STOML3: variants seen among roughly 807,000 people sequenced by gnomAD.
STOML3 encodes stomatin like 3.
Under a neutral mutation model 29.5 loss-of-function variants are expected in STOML3, and 31 were observed. The ratio of observed to expected loss-of-function variants is 1.05; its 90% CI spans 0.79 to 1.42. STOML3 has a LOEUF of 1.42. Ranked by LOEUF, STOML3 falls within the 40% of genes most tolerant of loss-of-function variation. STOML3 has a pLI of 0.00. For missense variants in STOML3, 380 were observed against 363.0 expected, an observed-to-expected ratio of 1.05 and a Z score of -0.38; for synonymous variants, 122 against 139.8, an observed-to-expected ratio of 0.87 and a Z score of 0.90.
Position 38,966,718 on chromosome 13 carries a change from T to C in STOML3, c.*107A>G. On this transcript the variant is annotated 3_prime_UTR_variant, in exon 7 of 7. Transcript: ENST00000379631. Reference sequence around the variant, plus strand: ...TGCCAATGCTCTTCCATCTATGGAGTTACTGTTACATGAACAGTGTTGGAA... The same window carrying C: ...TGCCAATGCTCTTCCATCTATGGAGCTACTGTTACATGAACAGTGTTGGAA... 1 of 935,588 alleles carries C rather than the reference T, an allele frequency of 1.1e-6. No homozygotes were observed. The highest frequency in any genetic ancestry group is 1.7e-6 in the Non-Finnish European group (1 of 599,784). The allele number at this position is 935,588 out of a possible 1,614,324, so 58.0% of individuals were successfully genotyped here. A position where few individuals can be genotyped will look rare whatever the true frequency, so the allele number is the denominator to read the frequency against.
chr13:38,975,778 A>G (rs1032034358), intron 3 of STOML3, among the ~76,000 whole-genome samples: 1 of 152,188 alleles, frequency 6.6e-6, no homozygotes, highest in African/African-American at 2.4e-5. Context: ...AGTACCTTAT[A>G]GTTTTAGTAT....
At chr13:38,972,826 T>C (rs1306879248) in intron 3 of STOML3, among the ~76,000 whole-genome samples, 2 of 152,186 alleles carry the variant, frequency 1.3e-5, no homozygotes, top group Non-Finnish European at 2.9e-5. Flanking sequence ...ATCCCTGACA[T>C]TTAATTTTTG....
intron 1 of STOML3, among the ~76,000 whole-genome samples, chr13:38,985,408 G>T (rs934377442): frequency 2.6e-5 from 4 of 152,070 alleles, no homozygotes; most frequent in African/African-American, 9.7e-5. Context: ...GGGAAACAGA[G>T]CGAGAGAGAG....
chr13:38,989,413 GC>G (rs1462111104), intron 1 of STOML3, among the ~76,000 whole-genome samples: 4 of 152,120 alleles, frequency 2.6e-5, no homozygotes, highest in African/African-American at 4.8e-5. Context: ...CTGCCTTCAA[GC>G]TTTTCATGCC....
chr13:38,988,790 A>C (rs893161829), intron 1 of STOML3, among the ~76,000 whole-genome samples: 1 of 143,196 alleles, frequency 7.0e-6, no homozygotes, highest in African/African-American at 2.5e-5. Flanking sequence ...AGTACATATT[A>C]CAAGTTATAT....
intron 1 of STOML3, chr13:38,980,129 A>G: frequency 6.4e-7 from 1 of 1,551,494 alleles, no homozygotes. Context: ...ATTAGGTAAT[A>G]GACGTGCTGA....
chr13:38,985,897 T>TC (rs1244292015), intron 1 of STOML3, among the ~76,000 whole-genome samples: 5 of 135,486 alleles, frequency 3.7e-5, no homozygotes, highest in African/African-American at 1.1e-4. Context: ...TTCTTTTTTT[T>TC]TTTTCTTTTC....
intron 3 of STOML3, among the ~76,000 whole-genome samples, chr13:38,973,373 T>C (rs897019492): frequency 1.3e-5 from 2 of 152,194 alleles, no homozygotes; most frequent in Admixed American, 6.5e-5. Flanking sequence ...CAAAATACCA[T>C]AAACTGGGTG....
Position 38,990,700 on chromosome 13 carries a change from G to C in STOML3, c.22C>G (p.Pro8Ala), listed in dbSNP as rs1433821632. 2 of 1,613,918 alleles carry C rather than the reference G, an allele frequency of 1.2e-6. No individual in the cohort carries two copies. Among genetic ancestry groups the C allele is most frequent in the Admixed American group, 1.7e-5 (1 of 60,008 alleles). MDSRVSS[P>A]EKQDKENFVG... Reference sequence around the variant, plus strand: ...AAATTCTCTTTATCTTGCTTCTCAGGTGAAGACACCCTAGAATCCATCTCA... The same window carrying C: ...AAATTCTCTTTATCTTGCTTCTCAGCTGAAGACACCCTAGAATCCATCTCA... The change falls in exon 1 of 7, where the codon CCT (proline) becomes GCT (alanine). Residue 8 changes from proline (P) to alanine (A), a missense_variant. Pro to Ala is a conservative substitution (Grantham distance 27, BLOSUM62 -1). Coordinates refer to ENST00000379631, the MANE Select transcript of STOML3 (RefSeq NM_145286.3).
At position 38,976,578 on chromosome 13, in the gene STOML3, CGGAATACAACA is replaced by C. The variant is rs1566206171; in HGVS notation, c.180_190del (p.Val61SerfsTer7). On this transcript the variant is annotated frameshift_variant, in exon 3 of 7. Coordinates refer to ENST00000379631, the MANE Select transcript of STOML3 (RefSeq NM_145286.3). LOFTEE classifies it high-confidence loss of function. ...TTTGTCAGCTTGGATGCGTCCCAGA[CGGAATACAACA>C]GCACGTTCATACTCCTTAATGATCT... is the stretch of plus-strand genomic sequence containing the variant. The C allele has an allele frequency of 1.2e-6, 2 of 1,614,140 alleles. No homozygotes were observed. The highest frequency in any genetic ancestry group is 3.3e-5 in the Admixed American group (2 of 60,012).
At chr13:38,975,474 G>C (rs555090958) in intron 3 of STOML3, among the ~76,000 whole-genome samples, 2 of 152,236 alleles carry the variant, frequency 1.3e-5, no homozygotes, top group South Asian at 4.2e-4. Flanking sequence ...TGGTGCTCAG[G>C]AAAGTTCCTA....
At chr13:38,969,652 C>T (rs1428664164) in intron 5 of STOML3, among the ~76,000 whole-genome samples, 1 of 152,048 alleles carries the variant, frequency 6.6e-6, no homozygotes, top group Non-Finnish European at 1.5e-5. Flanking sequence ...TCCATAAACT[C>T]GTGTGTGTGA....
Position 38,966,891 on chromosome 13 carries a change from C to T in STOML3, c.810G>A (p.Met270Ile), listed in dbSNP as rs1165751299. ...KNSTIVFPLP[M>I]NILEGIGGVS... ...CGCCACCAATGCCCTCTAGTATATT[C>T]ATGGGCAGAGGAAACACAATCGTAG... Residue 270 changes from methionine (M) to isoleucine (I), a missense_variant, in exon 7 of 7, where the codon ATG (methionine) becomes ATA (isoleucine). Coordinates refer to ENST00000379631, the MANE Select transcript of STOML3 (RefSeq NM_145286.3). 6.2e-7 allele frequency: 1 copy of T among 1,613,950 alleles called. No homozygotes were observed. The highest frequency in any genetic ancestry group is 1.7e-5 in the Admixed American group (1 of 60,008).
chr13:38,971,339 T>C lies in STOML3; in HGVS notation c.313-951A>G, dbSNP rs1045386224. Among the ~76,000 whole-genome samples, 4 of 152,282 alleles carry C rather than the reference T, an allele frequency of 2.6e-5. No homozygotes were observed. In the East Asian group the frequency reaches 7.7e-4, roughly 29 times the overall value. Reference sequence around the variant, plus strand: ...TGAGCCACCATGTCTGACCTGGGGCTGAATTCAAAAGTAAGTATTCTGCAG... The same window carrying C: ...TGAGCCACCATGTCTGACCTGGGGCCGAATTCAAAAGTAAGTATTCTGCAG... On this transcript the variant is annotated intron_variant, in intron 4 of 6. Coordinates refer to ENST00000379631, the MANE Select transcript of STOML3 (RefSeq NM_145286.3).
intron 1 of STOML3, among the ~76,000 whole-genome samples, chr13:38,988,807 G>C (rs1305238669): frequency 7.1e-6 from 1 of 141,740 alleles, no homozygotes; most frequent in African/African-American, 2.6e-5. Flanking sequence ...ATATATTATA[G>C]TATATAGTAT....
chr13:38,985,018 C>G (rs1028978579), intron 1 of STOML3, among the ~76,000 whole-genome samples: 20 of 152,306 alleles, frequency 1.3e-4, no homozygotes, highest in African/African-American at 4.6e-4. Flanking sequence ...CATGGTTCAT[C>G]AGACAAGATT....
rs1459486466 is a variant in STOML3, at chr13:38,980,217, T to C, written c.53-3420A>G. 5.2e-6 allele frequency: 7 copies of C among 1,349,964 alleles called. No individual in the cohort carries two copies. The Admixed American group carries it at 1.4e-4, about 28-fold the overall frequency. The allele number at this position is 1,349,964 out of a possible 1,614,324, so 83.6% of individuals were successfully genotyped here. On this transcript the variant is annotated intron_variant, in intron 1 of 6. Transcript: ENST00000379631. Reference sequence around the variant, plus strand: ...TTAGAATCACCCAGGCCGCGGCTTCTGGGAGAATTGGTGGAGCCTGGGGGT... The same window carrying C: ...TTAGAATCACCCAGGCCGCGGCTTCCGGGAGAATTGGTGGAGCCTGGGGGT...
At chr13:38,988,524 T>A (rs1335381651) in intron 1 of STOML3, among the ~76,000 whole-genome samples, 1 of 125,916 alleles carries the variant, frequency 7.9e-6, no homozygotes, top group East Asian at 2.3e-4. Context: ...TATCATATAT[T>A]TTATATATAA....
chr13:38,985,668 G>T (rs955806265), intron 1 of STOML3, among the ~76,000 whole-genome samples: 3 of 151,476 alleles, frequency 2.0e-5, no homozygotes, highest in African/African-American at 7.3e-5. Context: ...ACAATGGAGG[G>T]ATAATTAAGC....
Sources: gnomAD v4.1 joint callset for allele counts (sites outside exome capture counted in the v4.1 genomes callset) on GRCh38, gnomAD v4.1.1 for gene constraint, MANE v1.5 for transcripts, NCBI Gene and HGNC (gene_info 2026-07-23, HGNC 2026-07-21) for gene names.